RIMS2: variants seen among roughly 807,000 people sequenced by gnomAD.
RIMS2 encodes regulating synaptic membrane exocytosis 2.
A neutral mutation model predicts 174.4 loss-of-function variants in RIMS2; 59 were observed. The ratio of observed to expected loss-of-function variants is 0.34; its 90% CI spans 0.27 to 0.42. The LOEUF is 0.42. Ranked by LOEUF, RIMS2 falls within the 10% of genes least tolerant of loss-of-function variation. The probability of loss-of-function intolerance (pLI) is 1.00; values close to 1 mark genes in which losing one functional copy is unlikely to be tolerated. For missense variants in RIMS2, 1,620 were observed against 1,666.3 expected, an observed-to-expected ratio of 0.97 and a Z score of 0.48; for synonymous variants, 606 against 572.5, an observed-to-expected ratio of 1.06 and a Z score of -0.84.
At chr8:103,855,084 C>T (rs1423089928) in intron 3 of RIMS2, among the ~76,000 whole-genome samples, 5 of 151,784 alleles carry the variant, frequency 3.3e-5, no homozygotes, top group Admixed American at 6.6e-5. Context: ...GATTCAGTCT[C>T]GGGAGATTGT....
chr8:104,110,518 A>G (rs2098162022), intron 19 of RIMS2, among the ~76,000 whole-genome samples: 1 of 152,198 alleles, frequency 6.6e-6, no homozygotes, highest in Admixed American at 6.5e-5. Context: ...TGTAAAAAAT[A>G]CAGTAATTAA....
At chr8:104,248,933 A>ATTTTTT (rs3072636) in intron 21 of RIMS2, 120 bp downstream of exon 27, 226 of 486,320 alleles carry the variant, frequency 4.6e-4, no homozygotes, top group Middle Eastern at 1.1e-3. Context: ...CTCTCCCTCT[A>ATTTTTT]TTTTTTTTTT....
At chr8:104,175,794 G>A (rs1462766616) in intron 19 of RIMS2, among the ~76,000 whole-genome samples, 1 of 152,124 alleles carries the variant, frequency 6.6e-6, no homozygotes, top group Admixed American at 6.5e-5. Context: ...AAAAATTGAA[G>A]AAGCATCACC....
chr8:104,098,637 GA>G (rs2130822639), intron 19 of RIMS2, among the ~76,000 whole-genome samples: 1 of 151,976 alleles, frequency 6.6e-6, no homozygotes, highest in East Asian at 1.9e-4. Context: ...CTTTTTTAAG[GA>G]AAAATTTGGG....
intron 1 of RIMS2, among the ~76,000 whole-genome samples, chr8:103,537,019 T>G (rs865794663): frequency 1.3e-5 from 2 of 152,242 alleles, no homozygotes; most frequent in South Asian, 2.1e-4. Context: ...TAATTCACTA[T>G]ATGGCAGCAT....
intron 15 of RIMS2, among the ~76,000 whole-genome samples, chr8:103,972,254 A>G (rs902730791): frequency 6.6e-6 from 1 of 152,200 alleles, no homozygotes; most frequent in African/African-American, 2.4e-5. Context: ...ATGTCATTTG[A>G]TAACTTCATT....
intron 17 of RIMS2, among the ~76,000 whole-genome samples, chr8:103,990,713 A>G (rs1252532019): frequency 6.6e-6 from 1 of 152,070 alleles, no homozygotes; most frequent in African/African-American, 2.4e-5. Flanking sequence ...AATTATTTAT[A>G]TACCAAGTCA....
chr8:103,941,123 G>T (rs903098695), intron 13 of RIMS2, among the ~76,000 whole-genome samples: 18 of 152,116 alleles, frequency 1.2e-4, no homozygotes, highest in African/African-American at 4.1e-4. Flanking sequence ...GTGTTGTATT[G>T]TGTGTTTGTA....
chr8:104,214,488 C>A (rs934016997), intron 19 of RIMS2, among the ~76,000 whole-genome samples: 3 of 152,040 alleles, frequency 2.0e-5, no homozygotes, highest in African/African-American at 7.2e-5. Flanking sequence ...CACTCTGTCA[C>A]CCAGGCTGGA....
At chr8:104,224,379 G>A (rs186503775) in intron 19 of RIMS2, among the ~76,000 whole-genome samples, 33 of 152,276 alleles carry the variant, frequency 2.2e-4, no homozygotes, top group African/African-American at 7.9e-4. Flanking sequence ...AGGAGGACTC[G>A]CTGTTTTAAA....
At chr8:103,566,009 T>C (rs1388052761) in intron 1 of RIMS2, among the ~76,000 whole-genome samples, 1 of 152,210 alleles carries the variant, frequency 6.6e-6, no homozygotes, top group Non-Finnish European at 1.5e-5. Flanking sequence ...TAAGGATTTC[T>C]GGGAAGAGAA....
Position 103,616,018 on chromosome 8 carries a change from T to C in RIMS2, c.177-81068T>C, listed in dbSNP as rs558795214. 1.6e-4 allele frequency among the ~76,000 whole-genome samples: 24 copies of C among 152,324 alleles called. No individual in the cohort carries two copies. The South Asian group carries it at 5.0e-3, about 32-fold the overall frequency. ...AGAAGGGACATCTCCCAACTCATTCTATGAGGCCAGCATCATCTTGATACC... is the reference window on the plus strand; with the variant it reads ...AGAAGGGACATCTCCCAACTCATTCCATGAGGCCAGCATCATCTTGATACC... On this transcript the variant is annotated intron_variant, in intron 1 of 23. Coordinates refer to ENST00000504942, the Ensembl canonical transcript of RIMS2.
chr8:103,779,300 C>A (rs918356986), intron 3 of RIMS2, among the ~76,000 whole-genome samples: 2 of 152,018 alleles, frequency 1.3e-5, no homozygotes, highest in Non-Finnish European at 2.9e-5. Context: ...GATTTTGAGG[C>A]CTTATTCAAA....
chr8:103,769,820 C>T (rs951517602), intron 3 of RIMS2, among the ~76,000 whole-genome samples: 8 of 152,122 alleles, frequency 5.3e-5, no homozygotes, highest in East Asian at 1.9e-4. Context: ...CTAATAAATT[C>T]GTGCTTAATG....
At chr8:104,209,670 T>G (rs1440280453) in intron 19 of RIMS2, among the ~76,000 whole-genome samples, 2 of 152,220 alleles carry the variant, frequency 1.3e-5, no homozygotes, top group African/African-American at 4.8e-5. Context: ...TTTTGTATAC[T>G]AATGTGCCTG....
chr8:103,964,058 T>G (rs1158771323), intron 15 of RIMS2, among the ~76,000 whole-genome samples: 2 of 152,184 alleles, frequency 1.3e-5, no homozygotes, highest in Non-Finnish European at 2.9e-5. Context: ...CCACAGTTTG[T>G]TTATTGATTC....
chr8:104,246,355 GTTTTC>G (rs1437436045), intron 20 of RIMS2, among the ~76,000 whole-genome samples: 3 of 151,148 alleles, frequency 2.0e-5, no homozygotes, highest in African/African-American at 7.3e-5. Context: ...TTTTTTGTTT[GTTTTC>G]TTTTCTTTTG....
At position 103,925,702 on chromosome 8, in the gene RIMS2, T is replaced by A. The variant is rs145062024; in HGVS notation, c.2197-2140T>A. Reference sequence around the variant, plus strand: ...GAGACACATAGTAGTTTGCCATCCCTATCTGAAATATCCATAGAGACAGAA... The same window carrying A: ...GAGACACATAGTAGTTTGCCATCCCAATCTGAAATATCCATAGAGACAGAA... On this transcript the variant is annotated intron_variant, in intron 10 of 23. Transcript: ENST00000504942. Among the ~76,000 whole-genome samples the A allele has an allele frequency of 2.1e-3, 320 of 151,662 alleles. 1 individual carries two copies. The highest frequency in any genetic ancestry group is 7.6e-3 in the African/African-American group (314 of 41,524).
chr8:104,015,494 C>G (rs745412335), intron 19 of RIMS2: 3 of 650,320 alleles, frequency 4.6e-6, no homozygotes, highest in Non-Finnish European at 8.3e-6. Flanking sequence ...GTGCTAACAG[C>G]CTTTTTGGGG....
Sources: gnomAD v4.1 joint callset for allele counts (sites outside exome capture counted in the v4.1 genomes callset) on GRCh38, gnomAD v4.1.1 for gene constraint, MANE v1.5 for transcripts, NCBI Gene and HGNC (gene_info 2026-07-23, HGNC 2026-07-21) for gene names.